IQCM: variants seen among roughly 807,000 people sequenced by gnomAD.
The protein encoded by IQCM is IQ domain-containing protein M.
A neutral mutation model predicts 57.6 loss-of-function variants in IQCM; 45 were observed. The observed-to-expected ratio is 0.78, with a 90% CI of 0.62 to 1.00. The LOEUF is 1.00. Among genes scored for constraint, IQCM ranks in the 50% least tolerant of loss-of-function variants. IQCM has a pLI of 0.00. For missense variants in IQCM, 468 were observed against 511.6 expected (o/e 0.91, Z 0.82); for synonymous variants, 148 against 158.9 (o/e 0.93, Z 0.51).
intron 2 of IQCM, among the ~76,000 whole-genome samples, chr4:149,807,203 C>A (rs1774166327): frequency 2.6e-5 from 4 of 151,800 alleles, no homozygotes; most frequent in Admixed American, 2.6e-4. Flanking sequence ...ATAGCTAGAG[C>A]AATCCTAAGC....
chr4:149,789,903 C>CAGGCAA (rs138630955), intron 2 of IQCM: 3,484 of 190,426 alleles, frequency 0.018, 130 homozygotes, highest in African/African-American at 0.078. Context: ...GACCCTGTTT[C>CAGGCAA]AGGCAAAGGC....
intron 12 of IQCM, among the ~76,000 whole-genome samples, chr4:149,451,180 G>A (rs935745395): frequency 5.9e-5 from 9 of 151,738 alleles, no homozygotes; most frequent in African/African-American, 2.2e-4. Context: ...ATAGTTTCCA[G>A]AGGCTGCGAA....
chr4:149,546,820 T>C (rs545863921), intron 12 of IQCM, among the ~76,000 whole-genome samples: 1 of 152,290 alleles, frequency 6.6e-6, no homozygotes, highest in Non-Finnish European at 1.5e-5. Flanking sequence ...AGCTCTTTAG[T>C]TTAATTAGAT....
At chr4:149,709,010 T>C (rs975020468) in intron 5 of IQCM, among the ~76,000 whole-genome samples, 1 of 152,066 alleles carries the variant, frequency 6.6e-6, no homozygotes. Context: ...AAATAGAGGA[T>C]AGAACCTGGC....
intron 7 of IQCM, among the ~76,000 whole-genome samples, chr4:149,629,676 G>T (rs1375461495): frequency 2.0e-5 from 3 of 151,636 alleles, no homozygotes; most frequent in Admixed American, 1.3e-4. Context: ...ATAACTAATG[G>T]CAATTTTAGA....
At chr4:149,504,242 A>T (rs1329891522) in intron 12 of IQCM, among the ~76,000 whole-genome samples, 3 of 152,326 alleles carry the variant, frequency 2.0e-5, no homozygotes, top group Non-Finnish European at 2.9e-5. Context: ...GTATAAATTT[A>T]AAAAAACTTA....
chr4:149,586,246 C>G (rs1046034566), intron 9 of IQCM, among the ~76,000 whole-genome samples: 9 of 151,630 alleles, frequency 5.9e-5, no homozygotes, highest in African/African-American at 2.2e-4. Context: ...TAGAGGAAGT[C>G]TCTCCGTGGG....
At chr4:149,503,659 C>T (rs1356552165) in intron 12 of IQCM, among the ~76,000 whole-genome samples, 1 of 151,428 alleles carries the variant, frequency 6.6e-6, no homozygotes, top group East Asian at 1.9e-4. Context: ...TGCCAGTGAA[C>T]CACAGGAAAA....
chr4:149,759,252 G>A (rs975049109), intron 2 of IQCM, among the ~76,000 whole-genome samples: 1 of 152,134 alleles, frequency 6.6e-6, no homozygotes, highest in African/African-American at 2.4e-5. Context: ...AGTTGCCAGG[G>A]GTAAAGGGAA....
At chr4:149,687,646 A>T (rs1456157854) in intron 5 of IQCM, among the ~76,000 whole-genome samples, 3 of 151,644 alleles carry the variant, frequency 2.0e-5, no homozygotes, top group Non-Finnish European at 1.5e-5. Flanking sequence ...GGACATAACT[A>T]AAAAGAAAAC....
chr4:149,447,303 A>C (rs1310043777), intron 12 of IQCM, among the ~76,000 whole-genome samples: 1 of 151,638 alleles, frequency 6.6e-6, no homozygotes, highest in Non-Finnish European at 1.5e-5. Flanking sequence ...CCAGACATGC[A>C]AAGAGGTAGG....
intron 12 of IQCM, among the ~76,000 whole-genome samples, chr4:149,438,083 T>C (rs984702226): frequency 8.5e-5 from 13 of 152,102 alleles, no homozygotes; most frequent in Non-Finnish European, 1.9e-4. Context: ...CTTGGGTTAT[T>C]AAACCAAAAT....
At chr4:149,440,243 A>C (rs1308274098) in intron 12 of IQCM, among the ~76,000 whole-genome samples, 2 of 150,632 alleles carry the variant, frequency 1.3e-5, no homozygotes, top group Non-Finnish European at 2.9e-5. Flanking sequence ...CTGAGATTAC[A>C]GGCGTGAGCC....
At chr4:149,426,146 T>C (rs1421151319) in intron 13 of IQCM, among the ~76,000 whole-genome samples, 1 of 152,032 alleles carries the variant, frequency 6.6e-6, no homozygotes, top group African/African-American at 2.4e-5. Flanking sequence ...TAGTCCATTA[T>C]ATTTCTATAA....
chr4:149,481,714 T>TTTTTTTTTTTTTTTTTTTTTTTTTTTC (rs1740893494), intron 12 of IQCM, among the ~76,000 whole-genome samples: 1 of 39,048 alleles, frequency 2.6e-5, no homozygotes, highest in Non-Finnish European at 6.8e-5. Flanking sequence ...TTTTTTTTTT[T>TTTTTTTTTTTTTTTTTTTTTTTTTTTC]TTTTTTTTGC....
At chr4:149,393,701 A>C (rs752245909) in intron 13 of IQCM, among the ~76,000 whole-genome samples, 2 of 152,010 alleles carry the variant, frequency 1.3e-5, no homozygotes, top group Non-Finnish European at 2.9e-5. Context: ...TAATATTATT[A>C]ACCAAGAGAA....
chr4:149,359,022 G>T (rs1343179168), intron 13 of IQCM, among the ~76,000 whole-genome samples: 1 of 151,412 alleles, frequency 6.6e-6, no homozygotes, highest in African/African-American at 2.4e-5. Context: ...ACCTAAAGAA[G>T]GGGACATCAA....
At chr4:149,774,118 T>C (rs1770842273) in intron 2 of IQCM, among the ~76,000 whole-genome samples, 1 of 152,162 alleles carries the variant, frequency 6.6e-6, no homozygotes, top group Non-Finnish European at 1.5e-5. Flanking sequence ...CTAGGCTTCA[T>C]TATTTTAGAT....
intron 2 of IQCM, among the ~76,000 whole-genome samples, chr4:149,770,996 A>T (rs1311672478): frequency 2.6e-5 from 4 of 152,068 alleles, no homozygotes; most frequent in Admixed American, 2.6e-4. Context: ...AATTGTCTTT[A>T]TATGTCCAGT....
Sources: allele counts gnomAD v4.1 joint callset (sites outside exome capture counted in the v4.1 genomes callset), GRCh38; gene constraint gnomAD v4.1.1; transcripts MANE v1.5; gene names NCBI Gene and HGNC (gene_info 2026-07-23, HGNC 2026-07-21).